Variants in ANKIB1 observed in about 807,000 individuals in gnomAD.
The protein encoded by ANKIB1 is ankyrin repeat and IBR domain containing 1, also known as ankyrin repeat and IBR domain-containing protein 1.
A neutral mutation model predicts 122.1 loss-of-function variants in ANKIB1; 43 were observed. The observed-to-expected ratio is 0.35, with a 90% CI of 0.28 to 0.45. The LOEUF (loss-of-function observed/expected upper bound fraction) is 0.45, where lower values mean the gene tolerates loss of function less well. Among genes scored for constraint, ANKIB1 ranks in the 20% least tolerant of loss-of-function variants. The pLI is 1.00. For missense variants in ANKIB1, 992 were observed against 1,329.5 expected (o/e 0.75, Z 3.95); for synonymous variants, 390 against 442.0 (o/e 0.88, Z 1.48).
chr7:92,326,700 A>G (rs1260925301), intron 4 of ANKIB1, among the ~76,000 whole-genome samples: 1 of 152,176 alleles, frequency 6.6e-6, no homozygotes, highest in Non-Finnish European at 1.5e-5. Flanking sequence ...AGCAAATTGT[A>G]TGTAATAGTT....
chr7:92,252,538 C>A (rs1408812538), intron 1 of ANKIB1, among the ~76,000 whole-genome samples: 1 of 151,958 alleles, frequency 6.6e-6, no homozygotes, highest in African/African-American at 2.4e-5. Context: ...AGGCACCCAC[C>A]ACCACTCCCA....
chr7:92,337,943 A>T (rs930454871), intron 5 of ANKIB1, among the ~76,000 whole-genome samples: 1 of 152,192 alleles, frequency 6.6e-6, no homozygotes, highest in Admixed American at 6.5e-5. Context: ...AAAAGGGAGG[A>T]GATCATAAAA....
At chr7:92,268,889 G>C (rs1169850696) in intron 1 of ANKIB1, among the ~76,000 whole-genome samples, 1 of 152,156 alleles carries the variant, frequency 6.6e-6, no homozygotes, top group Non-Finnish European at 1.5e-5. Flanking sequence ...TGCTTAGTAA[G>C]TTTAAGGGAT....
chr7:92,352,155 A>G (rs893756673), intron 8 of ANKIB1, among the ~76,000 whole-genome samples: 4 of 152,250 alleles, frequency 2.6e-5, no homozygotes, highest in Admixed American at 6.5e-5. Context: ...GACACATTGT[A>G]TGAGAAAACA....
chr7:92,386,476 G>T, intron 11 of ANKIB1, 33 bp from the exon 12 acceptor site: 1 of 1,556,798 alleles, frequency 6.4e-7, no homozygotes, highest in East Asian at 2.3e-5. Flanking sequence ...TATTAATATG[G>T]GGAGATGTTT....
intron 7 of ANKIB1, among the ~76,000 whole-genome samples, chr7:92,349,872 C>T (rs1179853014): frequency 6.6e-6 from 1 of 151,920 alleles, no homozygotes; most frequent in African/African-American, 2.4e-5. Flanking sequence ...AATTTTCTAA[C>T]TCAGAACCCT....
At chr7:92,286,479 ATT>A (rs34483972) in intron 1 of ANKIB1, among the ~76,000 whole-genome samples, 298 of 134,226 alleles carry the variant, frequency 2.2e-3, no homozygotes, top group Middle Eastern at 0.012. Context: ...TATTATCCGT[ATT>A]TTTTTTTTTT....
intron 1 of ANKIB1, among the ~76,000 whole-genome samples, chr7:92,255,430 G>C (rs1801416749): frequency 6.6e-6 from 1 of 152,186 alleles, no homozygotes. Flanking sequence ...GTGCTATCAG[G>C]AATGCAGGCT....
chr7:92,386,764 A>G (rs1804661438), intron 12 of ANKIB1, 121 bp downstream of exon 12: 6 of 972,614 alleles, frequency 6.2e-6, no homozygotes, highest in Non-Finnish European at 8.2e-6. Context: ...ACTTTATTAT[A>G]GCCTTTAATT....
At chr7:92,260,556 G>A (rs923121826) in intron 1 of ANKIB1, among the ~76,000 whole-genome samples, 3 of 151,992 alleles carry the variant, frequency 2.0e-5, no homozygotes, top group African/African-American at 7.3e-5. Context: ...GGTACATGGC[G>A]GTAGTCCCAG....
intron 11 of ANKIB1, among the ~76,000 whole-genome samples, chr7:92,372,661 G>T (rs2115645015): frequency 6.6e-6 from 1 of 152,276 alleles, no homozygotes; most frequent in African/African-American, 2.4e-5. Flanking sequence ...AAAAAGGCTA[G>T]ATAGAATAAA....
chr7:92,321,227 T>C (rs1032342164), intron 4 of ANKIB1, among the ~76,000 whole-genome samples: 1 of 152,136 alleles, frequency 6.6e-6, no homozygotes, highest in Non-Finnish European at 1.5e-5. Flanking sequence ...CTAATTAACA[T>C]ATCCATCCCT....
At chr7:92,384,142 CA>C (rs1188846896) in intron 11 of ANKIB1, among the ~76,000 whole-genome samples, 37 of 152,062 alleles carry the variant, frequency 2.4e-4, no homozygotes, top group African/African-American at 8.9e-4. Context: ...ACAATTGCTA[CA>C]AAGAGAATAA....
intron 1 of ANKIB1, among the ~76,000 whole-genome samples, chr7:92,291,567 C>CTTTTTTTTTTTTT (rs1188174295): frequency 6.9e-5 from 8 of 116,506 alleles, no homozygotes; most frequent in Non-Finnish European, 7.2e-5. Flanking sequence ...TTTTCTTTTT[C>CTTTTTTTTTTTTT]TTTTTTTTTT....
intron 2 of ANKIB1, among the ~76,000 whole-genome samples, chr7:92,298,732 T>A (rs1802403512): frequency 7.1e-6 from 1 of 141,612 alleles, no homozygotes; most frequent in African/African-American, 2.7e-5. Context: ...ACTGTATTAG[T>A]AATCATTGTA....
chr7:92,380,629 A>T (rs1180598515), intron 11 of ANKIB1, among the ~76,000 whole-genome samples: 1 of 152,186 alleles, frequency 6.6e-6, no homozygotes, highest in Non-Finnish European at 1.5e-5. Flanking sequence ...TCTGGAGTGG[A>T]CCTCAAGCAA....
Position 92,246,317 on chromosome 7 carries a change from G to A in ANKIB1, c.-293G>A. 1 of 409,916 alleles carries A rather than the reference G, an allele frequency of 2.4e-6. No individual in the cohort carries two copies. Among genetic ancestry groups the A allele is most frequent in the South Asian group, 1.7e-5 (1 of 58,644 alleles). The allele number at this position is 409,916 out of a possible 1,614,324, so 25.4% of individuals were successfully genotyped here. On this transcript the variant is annotated 5_prime_UTR_variant, in exon 1 of 20. Coordinates refer to ENST00000265742, the MANE Select transcript of ANKIB1 (RefSeq NM_019004.2). The stretch of plus-strand genomic sequence containing the variant: ...CTTCGGCTCACGCAGCGCTTCCCGC[G>A]GGCCGCCAGTGCGCACCCTCGGCCA...
intron 5 of ANKIB1, among the ~76,000 whole-genome samples, chr7:92,341,869 TATC>T (rs1803447588): frequency 6.6e-6 from 1 of 152,174 alleles, no homozygotes; most frequent in African/African-American, 2.4e-5. Context: ...ATTTTCAACT[TATC>T]ATATTTTCAG....
intron 10 of ANKIB1, 62 bp downstream of exon 10, chr7:92,362,335 G>A (rs1308766571): frequency 1.4e-6 from 2 of 1,431,224 alleles, no homozygotes; most frequent in Middle Eastern, 1.7e-4. Flanking sequence ...AGATAATGTG[G>A]TCATATCTTT....
Sources: gnomAD v4.1 joint callset for allele counts (sites outside exome capture counted in the v4.1 genomes callset) on GRCh38, gnomAD v4.1.1 for gene constraint, MANE v1.5 for transcripts, NCBI Gene and HGNC (gene_info 2026-07-23, HGNC 2026-07-21) for gene names.